ABCG2: variants seen among roughly 807,000 people sequenced by gnomAD.
ABCG2 encodes the protein ATP binding cassette subfamily G member 2 (JR blood group).
ABCG2 carries 80 observed loss-of-function variants against 73.5 expected under a neutral mutation model. The ratio of observed to expected loss-of-function variants is 1.09; its 90% CI spans 0.91 to 1.31. The LOEUF (loss-of-function observed/expected upper bound fraction) is 1.31. ABCG2 is among the 50% of genes most tolerant of loss of function. The probability of loss-of-function intolerance (pLI) is 0.00; values close to 1 mark genes in which losing one functional copy is unlikely to be tolerated. For missense variants in ABCG2, 796 were observed against 786.2 expected, an observed-to-expected ratio of 1.01 and a Z score of -0.15; for synonymous variants, 269 against 282.4, an observed-to-expected ratio of 0.95 and a Z score of 0.48.
At chr4:88,143,204 T>G (rs1725759106) in intron 1 of ABCG2, among the ~76,000 whole-genome samples, 1 of 151,972 alleles carries the variant, frequency 6.6e-6, no homozygotes, top group Non-Finnish European at 1.5e-5. Context: ...CTGAGGGGAG[T>G]CTTGGAACCA....
intron 7 of ABCG2, among the ~76,000 whole-genome samples, chr4:88,115,952 C>T (rs983144036): frequency 6.6e-6 from 1 of 152,104 alleles, no homozygotes; most frequent in Non-Finnish European, 1.5e-5. Flanking sequence ...ACTAGCACTT[C>T]GGGAGGCCGA....
chr4:88,200,928 C>G (rs571421300), intron 1 of ABCG2, among the ~76,000 whole-genome samples: 2 of 151,470 alleles, frequency 1.3e-5, no homozygotes, highest in East Asian at 3.9e-4. Context: ...ATATAATTAA[C>G]AAAATTTGTG....
intron 1 of ABCG2, among the ~76,000 whole-genome samples, chr4:88,180,159 G>T (rs1728174644): frequency 6.6e-6 from 1 of 151,986 alleles, no homozygotes; most frequent in Non-Finnish European, 1.5e-5. Flanking sequence ...AAAGATAAAG[G>T]ATCCTAAAAG....
intron 2 of ABCG2, among the ~76,000 whole-genome samples, chr4:88,137,062 A>AAATAAAATAAAATAAAAT (rs1560703016): frequency 2.0e-5 from 3 of 149,910 alleles, no homozygotes; most frequent in Non-Finnish European, 4.4e-5. Context: ...AAATAAAATA[A>AAATAAAATAAAATAAAAT]GAATGAGGAG....
At chr4:88,229,138 A>G (rs567636254) in intron 1 of ABCG2, among the ~76,000 whole-genome samples, 5 of 152,202 alleles carry the variant, frequency 3.3e-5, no homozygotes, top group Non-Finnish European at 7.3e-5. Context: ...TTGGGTCCGC[A>G]CTACCTTTGT....
At chr4:88,106,113 A>G (rs973384724) in intron 10 of ABCG2, among the ~76,000 whole-genome samples, 16 of 152,154 alleles carry the variant, frequency 1.1e-4, no homozygotes, top group African/African-American at 3.9e-4. Flanking sequence ...CGAAGAATTG[A>G]AAGCAGGAAC....
chr4:88,155,665 G>C (rs1277703435), intron 1 of ABCG2, among the ~76,000 whole-genome samples: 1 of 152,260 alleles, frequency 6.6e-6, no homozygotes, highest in Non-Finnish European at 1.5e-5. Flanking sequence ...AGCACTTGGG[G>C]AGGCCGAGGC....
chr4:88,097,748 C>T (rs1460787298), intron 12 of ABCG2, 141 bp from the exon 13 acceptor site: 4 of 838,244 alleles, frequency 4.8e-6, no homozygotes, highest in Middle Eastern at 3.3e-4. Flanking sequence ...TCCAACCACC[C>T]TCGGTCTCCA....
intron 1 of ABCG2, among the ~76,000 whole-genome samples, chr4:88,211,709 GC>G (rs779589383): frequency 7.9e-5 from 12 of 152,140 alleles, no homozygotes; most frequent in Non-Finnish European, 1.6e-4. Flanking sequence ...GAGCCACTGT[GC>G]CCGGCCGAGA....
chr4:88,149,306 G>A (rs1043521788), intron 1 of ABCG2, among the ~76,000 whole-genome samples: 11 of 152,246 alleles, frequency 7.2e-5, no homozygotes, highest in Admixed American at 2.6e-4. Context: ...CTAGAAAATC[G>A]TCAAATCATA....
intron 1 of ABCG2, among the ~76,000 whole-genome samples, chr4:88,199,083 C>T (rs769970238): frequency 2.2e-4 from 33 of 152,172 alleles, no homozygotes; most frequent in Middle Eastern, 3.4e-3. Context: ...ATTCTCCTGC[C>T]TCAGCCACCC....
At chr4:88,226,324 A>G (rs1730210708) in intron 1 of ABCG2, among the ~76,000 whole-genome samples, 1 of 152,236 alleles carries the variant, frequency 6.6e-6, no homozygotes, top group Non-Finnish European at 1.5e-5. Context: ...CTACATAACC[A>G]TGCTAGCTGA....
intron 1 of ABCG2, among the ~76,000 whole-genome samples, chr4:88,195,480 T>TA (rs1218105355): frequency 6.6e-6 from 1 of 152,304 alleles, no homozygotes; most frequent in East Asian, 1.9e-4. Flanking sequence ...AATATGTTAG[T>TA]AGCGGCCAAT....
chr4:88,191,484 T>TG (rs1560747561), intron 1 of ABCG2, among the ~76,000 whole-genome samples: 2 of 152,054 alleles, frequency 1.3e-5, no homozygotes, highest in African/African-American at 4.8e-5. Context: ...GTGGAGAAAT[T>TG]GAAATCTTCA....
chr4:88,189,606 T>G (rs922844349), intron 1 of ABCG2, among the ~76,000 whole-genome samples: 2 of 152,196 alleles, frequency 1.3e-5, no homozygotes, highest in Non-Finnish European at 2.9e-5. Context: ...TGCCTCTATT[T>G]TGCTGAATTT....
At chr4:88,105,008 T>G (rs1358985753) in intron 10 of ABCG2, among the ~76,000 whole-genome samples, 1 of 152,280 alleles carries the variant, frequency 6.6e-6, no homozygotes, top group South Asian at 2.1e-4. Context: ...CTTTAGATCC[T>G]GTGATATATT....
chr4:88,169,867 T>C (rs1176991125), intron 1 of ABCG2, among the ~76,000 whole-genome samples: 1 of 152,010 alleles, frequency 6.6e-6, no homozygotes, highest in East Asian at 1.9e-4. Flanking sequence ...TCCCAGCACT[T>C]TGAGAGGCCG....
chr4:88,148,824 G>A (rs1242135743), intron 1 of ABCG2, among the ~76,000 whole-genome samples: 1 of 152,082 alleles, frequency 6.6e-6, no homozygotes, highest in Admixed American at 6.5e-5. Flanking sequence ...ACACAGTCCT[G>A]TAACCACTAC....
chr4:88,217,264 AG>A (rs1214473952), intron 1 of ABCG2, among the ~76,000 whole-genome samples: 1 of 152,216 alleles, frequency 6.6e-6, no homozygotes, highest in East Asian at 1.9e-4. Flanking sequence ...GGCCTGCCTA[AG>A]GCTTAATTAT....
Sources: gnomAD v4.1 joint callset for allele counts (sites outside exome capture counted in the v4.1 genomes callset) on GRCh38, gnomAD v4.1.1 for gene constraint, MANE v1.5 for transcripts, NCBI Gene and HGNC (gene_info 2026-07-23, HGNC 2026-07-21) for gene names.